Variants in NCOA6 observed in about 807,000 individuals in gnomAD.
NCOA6 encodes the protein nuclear receptor coactivator 6, also known as NRC RAP250.
A neutral mutation model predicts 171.4 loss-of-function variants in NCOA6; 49 were observed. The ratio of observed to expected loss-of-function variants is 0.29; its 90% CI spans 0.23 to 0.36. The LOEUF (loss-of-function observed/expected upper bound fraction) is 0.36. Ranked by LOEUF, NCOA6 falls within the 10% of genes least tolerant of loss-of-function variation. The pLI is 1.00. For synonymous variants in NCOA6, 910 were observed against 927.5 expected (o/e 0.98, Z 0.34); for missense variants, 2,248 against 2,554.5 (o/e 0.88, Z 2.59).
rs185622377 is a variant in NCOA6 at position 34,784,878 on chromosome 20, C to T, written c.-49-2474G>A. ...GGCAGATCACCTGAGGTCAGGATTT[C>T]GAGACCAGCCTGGTCAACATGGTGA... is the stretch of plus-strand genomic sequence containing the variant. On this transcript the variant is annotated intron_variant, in intron 2 of 14. Transcript: ENST00000359003. Among the ~76,000 whole-genome samples, 68 of 150,996 alleles carry T rather than the reference C, an allele frequency of 4.5e-4. 1 individual carries two copies. The East Asian group carries it at 0.013, about 29-fold the overall frequency.
intron 4 of NCOA6, among the ~76,000 whole-genome samples, chr20:34,771,713 C>T (rs2077156494): frequency 6.6e-6 from 1 of 152,146 alleles, no homozygotes; most frequent in Non-Finnish European, 1.5e-5. Flanking sequence ...TGCTTCTCAC[C>T]CCAAGGCCTT....
chr20:34,769,387 G>A (rs1274974783), intron 4 of NCOA6, among the ~76,000 whole-genome samples: 1 of 149,652 alleles, frequency 6.7e-6, no homozygotes, highest in Non-Finnish European at 1.5e-5. Flanking sequence ...TTTTTGAGAT[G>A]GAGTCTTGCT....
intron 1 of NCOA6, among the ~76,000 whole-genome samples, chr20:34,808,037 C>T (rs1309734501): frequency 6.6e-6 from 1 of 151,730 alleles, no homozygotes; most frequent in African/African-American, 2.4e-5. Flanking sequence ...GTAGTTCCAG[C>T]TACTCAGGAG....
At chr20:34,749,026 T>C (rs1050350324) in intron 9 of NCOA6, among the ~76,000 whole-genome samples, 1 of 152,186 alleles carries the variant, frequency 6.6e-6, no homozygotes, top group African/African-American at 2.4e-5. Flanking sequence ...TGAATCTTGT[T>C]TGGATCCTTA....
intron 13 of NCOA6, among the ~76,000 whole-genome samples, chr20:34,732,217 A>T (rs2075806115): frequency 6.6e-6 from 1 of 152,230 alleles, no homozygotes; most frequent in South Asian, 2.1e-4. Context: ...GTTCTTTAGA[A>T]GACAGCTGCA....
In NCOA6 at chr20:34,741,819, C is replaced by T; in HGVS notation, c.4437G>A (p.Leu1479=). 1 of 1,614,136 alleles carries T rather than the reference C, an allele frequency of 6.2e-7. No homozygotes were observed. Among genetic ancestry groups the T allele is most frequent in the Non-Finnish European group, 8.5e-7 (1 of 1,180,016 alleles). Reference sequence around the variant, plus strand: ...GTGCTTCCCTCATAGCAGGAGACACCAAATTTTTGTTCTCTTCGACACTGG... The same window carrying T: ...GTGCTTCCCTCATAGCAGGAGACACTAAATTTTTGTTCTCTTCGACACTGG... ...KLPSVEENKN[L]VSPAMREAPT... The change falls in exon 11 of 15, where the codon TTG becomes TTA. Residue 1479 remains leucine (L), a synonymous_variant. Transcript: ENST00000359003.
At chr20:34,814,781 G>A (rs909980458) in intron 1 of NCOA6, among the ~76,000 whole-genome samples, 1 of 152,128 alleles carries the variant, frequency 6.6e-6, no homozygotes, top group South Asian at 2.1e-4. Context: ...TAGGAGAGAC[G>A]GGGTTTCACC....
intron 8 of NCOA6, among the ~76,000 whole-genome samples, chr20:34,752,928 A>AC (rs1289263723): frequency 3.6e-4 from 55 of 151,754 alleles, no homozygotes; most frequent in Middle Eastern, 3.4e-3. Flanking sequence ...AAAAAAAAAA[A>AC]ACACACACAA....
chr20:34,764,009 ATT>A (rs11471838), intron 5 of NCOA6, among the ~76,000 whole-genome samples: 19 of 107,216 alleles, frequency 1.8e-4, no homozygotes, highest in South Asian at 3.2e-4. Flanking sequence ...CACCTTTGAC[ATT>A]TTTTTTTTTT....
intron 5 of NCOA6, among the ~76,000 whole-genome samples, chr20:34,759,745 G>T (rs1344057383): frequency 6.6e-6 from 1 of 151,762 alleles, no homozygotes; most frequent in Non-Finnish European, 1.5e-5. Context: ...TTATAATTTT[G>T]CAATGTTGTG....
chr20:34,783,227 A>G (rs2077562565), intron 2 of NCOA6, among the ~76,000 whole-genome samples: 1 of 151,968 alleles, frequency 6.6e-6, no homozygotes. Context: ...GGTTGAAGGG[A>G]GCCGAGGTTG....
At chr20:34,824,044 T>C (rs959159495) in intron 1 of NCOA6, among the ~76,000 whole-genome samples, 4 of 152,218 alleles carry the variant, frequency 2.6e-5, no homozygotes, top group African/African-American at 4.8e-5. Context: ...TTTGCACAAT[T>C]AGAGATGAAC....
At chr20:34,806,300 T>C (rs997585546) in intron 1 of NCOA6, among the ~76,000 whole-genome samples, 3 of 152,258 alleles carry the variant, frequency 2.0e-5, no homozygotes, top group African/African-American at 7.2e-5. Context: ...TCCTTCTTTA[T>C]TCCAGATATT....
chr20:34,761,957 T>C (rs1470897826), intron 5 of NCOA6, among the ~76,000 whole-genome samples: 1 of 152,180 alleles, frequency 6.6e-6, no homozygotes, highest in African/African-American at 2.4e-5. Context: ...CCCGGCTGAC[T>C]GCATGGTTTC....
At chr20:34,755,045 T>C (rs940373534) in intron 7 of NCOA6, among the ~76,000 whole-genome samples, 177 bp from the exon 8 acceptor site, 2 of 151,880 alleles carry the variant, frequency 1.3e-5, no homozygotes, top group Non-Finnish European at 2.9e-5. Flanking sequence ...ATCAACACAA[T>C]CTCTTATATG....
At chr20:34,760,556 T>A (rs1012458159) in intron 5 of NCOA6, among the ~76,000 whole-genome samples, 3 of 152,210 alleles carry the variant, frequency 2.0e-5, no homozygotes, top group African/African-American at 7.2e-5. Context: ...TCTGGAAGAA[T>A]GTGTGTATCT....
intron 1 of NCOA6, among the ~76,000 whole-genome samples, chr20:34,797,269 G>C (rs999762423): frequency 1.3e-5 from 2 of 152,074 alleles, no homozygotes; most frequent in Non-Finnish European, 2.9e-5. Flanking sequence ...ATTTTGTCTT[G>C]CAACTTGGAT....
intron 14 of NCOA6, among the ~76,000 whole-genome samples, chr20:34,725,013 T>A (rs1989792025): frequency 6.6e-6 from 1 of 152,178 alleles, no homozygotes; most frequent in Non-Finnish European, 1.5e-5. Context: ...GGTCTCGAAC[T>A]CCTGACCTCA....
chr20:34,759,077 T>C (rs138418427), intron 5 of NCOA6, 144 bp from the exon 6 acceptor site: 3 of 874,786 alleles, frequency 3.4e-6, no homozygotes, highest in Non-Finnish European at 3.4e-6. Context: ...GTCTGCCAAG[T>C]GGCACAATCA....
Sources: gnomAD v4.1 joint callset for allele counts (sites outside exome capture counted in the v4.1 genomes callset) on GRCh38, gnomAD v4.1.1 for gene constraint, MANE v1.5 for transcripts, NCBI Gene and HGNC (gene_info 2026-07-23, HGNC 2026-07-21) for gene names.